RIMS2: variants seen among roughly 807,000 people sequenced by gnomAD.
RIMS2 encodes the protein regulating synaptic membrane exocytosis 2.
A neutral mutation model predicts 174.4 loss-of-function variants in RIMS2; 59 were observed. The ratio of observed to expected loss-of-function variants is 0.34; its 90% CI spans 0.27 to 0.42. The LOEUF is 0.42. Among genes scored for constraint, RIMS2 ranks in the 10% least tolerant of loss-of-function variants. The pLI is 1.00. For missense variants in RIMS2, 1,620 were observed against 1,666.3 expected (o/e 0.97, Z 0.48); for synonymous variants, 606 against 572.5 (o/e 1.06, Z -0.84).
intron 19 of RIMS2, among the ~76,000 whole-genome samples, chr8:104,076,999 A>G (rs1233942021): frequency 2.0e-5 from 3 of 151,422 alleles, no homozygotes; most frequent in Non-Finnish European, 4.4e-5. Context: ...TTGTCGTTTT[A>G]GTAAAAGGCA....
chr8:103,677,546 CT>C (rs2096830597), intron 1 of RIMS2, among the ~76,000 whole-genome samples: 1 of 152,162 alleles, frequency 6.6e-6, no homozygotes, highest in Non-Finnish European at 1.5e-5. Flanking sequence ...CGAGAGAGAA[CT>C]TACCCACAGT....
chr8:103,886,087 A>G, exon 4 of RIMS2: 1 of 1,613,022 alleles, frequency 6.2e-7, no homozygotes, highest in Admixed American at 1.7e-5. Context: ...CTCCACCACC[A>G]AAGCCTCATA....
intron 9 of RIMS2, 61 bp downstream of exon 12, chr8:103,918,548 T>C (rs2077037268): frequency 8.7e-7 from 1 of 1,150,434 alleles, no homozygotes. Flanking sequence ...AGAGATCAGA[T>C]GAAGTATTTA....
At chr8:104,179,515 G>A (rs529898962) in intron 19 of RIMS2, among the ~76,000 whole-genome samples, 333 of 151,910 alleles carry the variant, frequency 2.2e-3, no homozygotes, top group Non-Finnish European at 3.8e-3. Context: ...GGGATTTTGT[G>A]AATAATTTTA....
chr8:103,682,159 G>GAAAT (rs2136733804), intron 1 of RIMS2, among the ~76,000 whole-genome samples: 1 of 152,166 alleles, frequency 6.6e-6, no homozygotes, highest in African/African-American at 2.4e-5. Context: ...AAATAGAAAT[G>GAAAT]TTAAGTAGGC....
intron 14 of RIMS2, among the ~76,000 whole-genome samples, chr8:103,951,846 A>G (rs919302005): frequency 3.9e-5 from 6 of 152,216 alleles, no homozygotes; most frequent in Non-Finnish European, 4.4e-5. Context: ...AAGCTAAGAT[A>G]CACTGTCTTG....
chr8:103,624,870 GATACATAC>G (rs35806731), intron 1 of RIMS2, among the ~76,000 whole-genome samples: 1 of 151,672 alleles, frequency 6.6e-6, no homozygotes, highest in African/African-American at 2.4e-5. Context: ...AATATTTACA[GATACATAC>G]ATACATACAC....
intron 19 of RIMS2, among the ~76,000 whole-genome samples, chr8:104,118,610 C>T (rs1030515083): frequency 3.3e-5 from 5 of 152,072 alleles, no homozygotes; most frequent in African/African-American, 1.2e-4. Flanking sequence ...CTCAGGTGAT[C>T]TGCCTGCCTC....
exon 13 of RIMS2, chr8:103,936,677 G>T: frequency 6.2e-7 from 1 of 1,609,466 alleles, no homozygotes; most frequent in Non-Finnish European, 8.5e-7. Flanking sequence ...TTACCCTTTG[G>T]GATCAAGCTC....
intron 19 of RIMS2, among the ~76,000 whole-genome samples, chr8:104,140,781 T>C (rs1434447040): frequency 6.6e-6 from 1 of 152,140 alleles, no homozygotes; most frequent in Non-Finnish European, 1.5e-5. Context: ...AATCAATTTG[T>C]GGCAAGATGT....
intron 3 of RIMS2, among the ~76,000 whole-genome samples, chr8:103,874,299 G>T (rs1243895473): frequency 6.6e-6 from 1 of 152,000 alleles, no homozygotes; most frequent in Non-Finnish European, 1.5e-5. Flanking sequence ...GAACAGAAAT[G>T]GTACATTCTG....
chr8:103,542,534 G>C (rs1197477731), intron 1 of RIMS2, among the ~76,000 whole-genome samples: 3 of 152,132 alleles, frequency 2.0e-5, no homozygotes, highest in Non-Finnish European at 4.4e-5. Flanking sequence ...AGGACACTAA[G>C]AAAGTAAGAA....
At chr8:103,785,535 T>G (rs2154435730) in intron 3 of RIMS2, among the ~76,000 whole-genome samples, 1 of 152,242 alleles carries the variant, frequency 6.6e-6, no homozygotes, top group Non-Finnish European at 1.5e-5. Context: ...AATGATGTGG[T>G]TTTTGTCTTT....
At chr8:104,005,893 G>A (rs767039971) in intron 17 of RIMS2, among the ~76,000 whole-genome samples, 1 of 151,836 alleles carries the variant, frequency 6.6e-6, no homozygotes, top group Non-Finnish European at 1.5e-5. Flanking sequence ...CATGGTAAAG[G>A]ACGAAAACAG....
At chr8:103,502,028 C>T (rs1268002964) in intron 1 of RIMS2, among the ~76,000 whole-genome samples, 7 of 152,210 alleles carry the variant, frequency 4.6e-5, no homozygotes, top group African/African-American at 1.4e-4. Context: ...TTTGATTTCT[C>T]AGTTACTTTG....
At chr8:103,789,373 A>G (rs1396995133) in intron 3 of RIMS2, among the ~76,000 whole-genome samples, 1 of 151,894 alleles carries the variant, frequency 6.6e-6, no homozygotes, top group Non-Finnish European at 1.5e-5. Flanking sequence ...TCTGACCTCA[A>G]AACTCTCTTT....
In RIMS2 at chr8:103,912,152, G is replaced by A. The variant is rs750964171; in HGVS notation, c.1792G>A (p.Gly598Arg). 5.6e-6 allele frequency: 9 copies of A among 1,607,250 alleles called. No homozygotes were observed. The highest frequency in any genetic ancestry group is 7.7e-6 in the Non-Finnish European group (9 of 1,175,564). Residue 598 changes from glycine to arginine, a missense_variant, in exon 6 of 24, where the codon GGA becomes AGA. Gly to Arg is a moderately radical substitution (Grantham distance 125). Around this residue, in one of 2 missense-constraint regions of RIMS2, gnomAD observed 1,395 missense variants for 1,360.1 expected, o/e 1.03. Coordinates refer to ENST00000504942, the Ensembl canonical transcript of RIMS2. ...AGATGGAAGTGTACCTCGAGATTCA[G>A]GAGCAATGCTTGGCTTGAAGGTATG...
At chr8:104,212,007 AT>A (rs34562270) in intron 19 of RIMS2, among the ~76,000 whole-genome samples, 61,643 of 151,848 alleles carry the variant, frequency 0.41, 12,957 homozygotes, top group East Asian at 0.65. Context: ...ATAAAGGAGG[AT>A]GTCCAGATTT....
chr8:103,614,500 A>G (rs1217498429), intron 1 of RIMS2, among the ~76,000 whole-genome samples: 1 of 152,194 alleles, frequency 6.6e-6, no homozygotes, highest in Non-Finnish European at 1.5e-5. Context: ...AGTTACTGTG[A>G]TTGCTCACTA....
Sources: allele counts gnomAD v4.1 joint callset (sites outside exome capture counted in the v4.1 genomes callset), GRCh38; gene constraint gnomAD v4.1.1; regional missense constraint gnomAD v4.1.1; transcripts MANE v1.5; gene names NCBI Gene and HGNC (gene_info 2026-07-23, HGNC 2026-07-21).